OSBPL10: variants seen among roughly 807,000 people sequenced by gnomAD.
OSBPL10 encodes the protein oxysterol binding protein like 10.
OSBPL10 carries 49 observed loss-of-function variants against 81.7 expected under a neutral mutation model. That is an observed-to-expected ratio of 0.60 (90% CI 0.48 to 0.76). The LOEUF (loss-of-function observed/expected upper bound fraction) is 0.76, where lower values mean the gene tolerates loss of function less well. Among genes scored for constraint, OSBPL10 ranks in the 30% least tolerant of loss-of-function variants. OSBPL10 has a pLI of 0.00. For missense variants in OSBPL10, 923 were observed against 987.8 expected (o/e 0.93, Z 0.88); for synonymous variants, 419 against 383.6 (o/e 1.09, Z -1.08).
rs372305256 is a variant in OSBPL10, at chr3:31,733,685, GTTTTTTTTTTT to G, written c.941-285_941-275del. ...CGATTTACCAAAGCCAGATAAAGGTGTTTTTTTTTTTTTTTTTTTTTTTTTTGAACTTTTAA... is the reference window on the plus strand; with the variant it reads ...CGATTTACCAAAGCCAGATAAAGGTGTTTTTTTTTTTTTTTGAACTTTTAA... On this transcript the variant is annotated intron_variant, in intron 5 of 11. Coordinates refer to ENST00000396556, the MANE Select transcript of OSBPL10 (RefSeq NM_017784.5). 2.2e-4 allele frequency among the ~76,000 whole-genome samples: 20 copies of G among 91,780 alleles called. 1 individual carries two copies. Among genetic ancestry groups the G allele is most frequent in the South Asian group, 2.1e-3 (5 of 2,394 alleles). 60.2% of individuals were successfully genotyped at this position (91,780 alleles called of 152,430 possible). A position where few individuals can be genotyped will look rare whatever the true frequency, so the allele number is the denominator to read the frequency against.
chr3:31,879,192 A>G (rs1372573101), intron 2 of OSBPL10, among the ~76,000 whole-genome samples: 1 of 152,182 alleles, frequency 6.6e-6, no homozygotes, highest in Non-Finnish European at 1.5e-5. Flanking sequence ...TTGGCTTCTC[A>G]CCAGGCTCTA....
intron 1 of OSBPL10, among the ~76,000 whole-genome samples, chr3:32,075,722 A>G (rs1252259302): frequency 6.6e-6 from 1 of 152,174 alleles, no homozygotes; most frequent in Non-Finnish European, 1.5e-5. Context: ...TTGCCGCTCC[A>G]ACACCTCACC....
rs576223623 is a variant in OSBPL10 at position 31,749,956 on chromosome 3, G to C, written c.730-1836C>G. On this transcript the variant is annotated intron_variant, in intron 4 of 11. Transcript: ENST00000396556. ...AACACTTTGGGAGGCTAAGGCGGGT[G>C]GATCACTTGAGGTCAGGAGTTCGAA... Among the ~76,000 whole-genome samples the C allele has an allele frequency of 2.0e-4, 31 of 151,986 alleles. No individual in the cohort carries two copies. In the South Asian group the frequency reaches 6.0e-3, roughly 30 times the overall value.
chr3:31,840,385 A>C (rs1700462406), intron 3 of OSBPL10, among the ~76,000 whole-genome samples: 1 of 152,236 alleles, frequency 6.6e-6, no homozygotes, highest in Admixed American at 6.5e-5. Context: ...GCTCAGGCAC[A>C]AAAATGCCAA....
chr3:32,027,102 C>T (rs1007210832), intron 2 of OSBPL10, among the ~76,000 whole-genome samples: 4 of 151,856 alleles, frequency 2.6e-5, no homozygotes, highest in Admixed American at 2.6e-4. Context: ...CATAGGTATA[C>T]ACATACCATG....
chr3:31,723,622 A>T (rs1483964345), intron 6 of OSBPL10, among the ~76,000 whole-genome samples: 2 of 152,218 alleles, frequency 1.3e-5, no homozygotes, highest in Middle Eastern at 3.4e-3. Flanking sequence ...AAAAAATTTT[A>T]AATTTACAAT....
At chr3:31,733,674 C>A (rs1181037700) in intron 5 of OSBPL10, among the ~76,000 whole-genome samples, 2 of 139,864 alleles carry the variant, frequency 1.4e-5, no homozygotes, top group African/African-American at 2.6e-5. Flanking sequence ...TTACCAAAGC[C>A]AGATAAAGGT....
At chr3:31,686,142 C>A (rs1313820601) in intron 7 of OSBPL10, among the ~76,000 whole-genome samples, 1 of 152,212 alleles carries the variant, frequency 6.6e-6, no homozygotes, top group Non-Finnish European at 1.5e-5. Context: ...TGACCCAGCA[C>A]ATGGCCCTCA....
At chr3:31,664,045 T>C (rs1477287384) in intron 11 of OSBPL10, 34 bp downstream of exon 11, 2 of 1,614,146 alleles carry the variant, frequency 1.2e-6, no homozygotes, top group Non-Finnish European at 1.7e-6. Flanking sequence ...AGTTCTCTCC[T>C]GGGCAAGGGA....
At chr3:31,847,905 G>A (rs1700671847) in intron 3 of OSBPL10, among the ~76,000 whole-genome samples, 1 of 152,102 alleles carries the variant, frequency 6.6e-6, no homozygotes, top group African/African-American at 2.4e-5. Flanking sequence ...CAGACACACA[G>A]CGGGGCTGCC....
chr3:31,668,881 C>A, intron 9 of OSBPL10, 57 bp from the exon 10 acceptor site: 1 of 1,396,968 alleles, frequency 7.2e-7, no homozygotes, highest in Non-Finnish European at 9.5e-7. Context: ...ACAGAGACTT[C>A]AAAGGTACAC....
At chr3:31,990,982 T>G in intron 2 of OSBPL10, 1 of 1,563,856 alleles carries the variant, frequency 6.4e-7, no homozygotes, top group Middle Eastern at 1.7e-4. Flanking sequence ...CAGTTAGAGG[T>G]CACTCCTTGC....
intron 6 of OSBPL10, 37 bp from the exon 7 acceptor site, chr3:31,702,545 C>T (rs779656789): frequency 6.2e-7 from 1 of 1,612,380 alleles, no homozygotes; most frequent in Non-Finnish European, 8.5e-7. Context: ...ACCAGCTGGC[C>T]CAATAGAAGT....
intron 1 of OSBPL10, among the ~76,000 whole-genome samples, chr3:32,076,140 T>C (rs1268609407): frequency 6.6e-6 from 1 of 151,918 alleles, no homozygotes; most frequent in African/African-American, 2.4e-5. Flanking sequence ...GAGACCGAGG[T>C]GGGTGGATCA....
chr3:31,727,404 A>G (rs1377686314), intron 6 of OSBPL10, among the ~76,000 whole-genome samples: 1 of 151,506 alleles, frequency 6.6e-6, no homozygotes, highest in Admixed American at 6.6e-5. Context: ...AAAAAAAAAA[A>G]GGTCTATTCT....
chr3:31,927,082 G>A (rs1697096366), intron 1 of OSBPL10, among the ~76,000 whole-genome samples: 1 of 152,160 alleles, frequency 6.6e-6, no homozygotes, highest in African/African-American at 2.4e-5. Context: ...CTGCACTCCA[G>A]CCTGGGTGAC....
At chr3:32,046,058 A>G (rs1699619087) in intron 2 of OSBPL10, 1 of 152,158 alleles carries the variant, frequency 6.6e-6, no homozygotes, top group Non-Finnish European at 1.5e-5. Flanking sequence ...TTTCTTACTT[A>G]TTATACAGAA....
Position 31,909,019 on chromosome 3 carries a change from T to TGTCTTAGAA in OSBPL10, c.282-29198_282-29190dup, listed in dbSNP as rs1455620514. Among the ~76,000 whole-genome samples the TGTCTTAGAA allele has an allele frequency of 8.5e-5, 13 of 152,376 alleles. No homozygotes were observed. The East Asian group carries it at 2.3e-3, about 27-fold the overall frequency. On this transcript the variant is annotated intron_variant, in intron 1 of 11. Coordinates refer to ENST00000396556, the MANE Select transcript of OSBPL10 (RefSeq NM_017784.5). ...AGAGAAGTATCATTTAGCTAAGAAG[T>TGTCTTAGAA]GTCTTAGAATAAAATGCTAAAACAT...
intron 4 of OSBPL10, among the ~76,000 whole-genome samples, chr3:31,808,277 G>A (rs1314014137): frequency 6.6e-6 from 1 of 152,170 alleles, no homozygotes. Context: ...ATTTCACAGT[G>A]ACCATCCAGG....
Sources: allele counts gnomAD v4.1 joint callset (sites outside exome capture counted in the v4.1 genomes callset), GRCh38; gene constraint gnomAD v4.1.1; transcripts MANE v1.5; gene names NCBI Gene and HGNC (gene_info 2026-07-23, HGNC 2026-07-21).